Variants in PACSIN2 observed in about 807,000 individuals in gnomAD.
PACSIN2 encodes the protein protein kinase C and casein kinase substrate in neurons protein 2.
A neutral mutation model predicts 63.8 loss-of-function variants in PACSIN2; 25 were observed. That is an observed-to-expected ratio of 0.39 (90% CI 0.29 to 0.55). The LOEUF is 0.55. Among genes scored for constraint, PACSIN2 ranks in the 20% least tolerant of loss-of-function variants. The pLI is 0.62. For synonymous variants in PACSIN2, 255 were observed against 256.2 expected (o/e 1.00, Z 0.05); for missense variants, 518 against 646.9 (o/e 0.80, Z 2.16).
chr22:42,940,630 T>C (rs182147937), intron 1 of PACSIN2, among the ~76,000 whole-genome samples: 1 of 152,098 alleles, frequency 6.6e-6, no homozygotes, highest in Non-Finnish European at 1.5e-5. Flanking sequence ...AGGTCCTGGG[T>C]TTCCCTATAC....
intron 2 of PACSIN2, among the ~76,000 whole-genome samples, chr22:42,905,787 G>A (rs558491551): frequency 1.2e-4 from 19 of 152,344 alleles, no homozygotes; most frequent in African/African-American, 4.6e-4. Context: ...CCTGGTGGGT[G>A]GATGGGTAAA....
At chr22:42,928,284 G>C (rs1482065075) in intron 1 of PACSIN2, among the ~76,000 whole-genome samples, 1 of 152,186 alleles carries the variant, frequency 6.6e-6, no homozygotes. Flanking sequence ...GTCTCTTCAC[G>C]TGCTGAATCT....
At chr22:42,914,897 T>G (rs1337729125) in intron 1 of PACSIN2, among the ~76,000 whole-genome samples, 1 of 152,238 alleles carries the variant, frequency 6.6e-6, no homozygotes, top group Non-Finnish European at 1.5e-5. Context: ...GCGTCTTGTC[T>G]GTCATCCAAG....
At chr22:42,914,786 G>A (rs1019149271) in intron 1 of PACSIN2, among the ~76,000 whole-genome samples, 1 of 152,296 alleles carries the variant, frequency 6.6e-6, no homozygotes, top group Admixed American at 6.5e-5. Context: ...TGAGCCACTT[G>A]GGCAGAGGAA....
intron 1 of PACSIN2, among the ~76,000 whole-genome samples, chr22:42,949,249 G>GT (rs1031576198): frequency 6.6e-6 from 1 of 152,208 alleles, no homozygotes; most frequent in Non-Finnish European, 1.5e-5. Flanking sequence ...ATGACACATT[G>GT]TATGTGAGTG....
chr22:42,879,098 C>T lies in PACSIN2; in HGVS notation c.978G>A (p.Leu326=), dbSNP rs746307818. Reference sequence around the variant, plus strand: ...GGTCGCCTGTCTGGTTGATGCCCGTCAGGGTGACGCCGTCAGTGGCCTTCT... The same window carrying T: ...GGTCGCCTGTCTGGTTGATGCCCGTTAGGGTGACGCCGTCAGTGGCCTTCT... ...EKKKATDGVT[L]TGINQTGDQS... The change falls in exon 8 of 11, where the codon CTG becomes CTA. Residue 326 remains leucine, a synonymous_variant. Transcript: ENST00000263246. 4 of 1,614,164 alleles carry T rather than the reference C, an allele frequency of 2.5e-6. No individual in the cohort carries two copies. In the South Asian group the frequency reaches 4.4e-5, roughly 18 times the overall value.
At chr22:42,922,039 G>A (rs1932231769) in intron 1 of PACSIN2, among the ~76,000 whole-genome samples, 1 of 152,168 alleles carries the variant, frequency 6.6e-6, no homozygotes, top group Admixed American at 6.5e-5. Flanking sequence ...CAACCCTTTT[G>A]TTCTAAGGGG....
At chr22:43,014,663 G>C (rs1924761979) in intron 1 of PACSIN2, among the ~76,000 whole-genome samples, 1 of 150,844 alleles carries the variant, frequency 6.6e-6, no homozygotes, top group Non-Finnish European at 1.5e-5. Context: ...CTCATTAGCA[G>C]CTCTTAACCC....
intron 1 of PACSIN2, among the ~76,000 whole-genome samples, chr22:42,992,975 G>C (rs1395662672): frequency 6.6e-6 from 1 of 152,106 alleles, no homozygotes; most frequent in Non-Finnish European, 1.5e-5. Context: ...ACCAGCCTGG[G>C]CAACACAGTG....
intron 1 of PACSIN2, among the ~76,000 whole-genome samples, chr22:43,010,399 T>TATATATATATATATATATATATA (rs1388431678): frequency 1.2e-4 from 4 of 32,496 alleles, no homozygotes; most frequent in Admixed American, 5.8e-4. Flanking sequence ...TATATATATA[T>TATATATATATATATATATATATA]TTTTTTTTAA....
chr22:42,970,849 G>A (rs144810952), intron 1 of PACSIN2, among the ~76,000 whole-genome samples: 5 of 152,244 alleles, frequency 3.3e-5, no homozygotes, highest in Admixed American at 2.6e-4. Context: ...AACAAGCAGT[G>A]CTGACCATGA....
At chr22:42,891,708 G>A (rs1463042013) in intron 3 of PACSIN2, among the ~76,000 whole-genome samples, 3 of 152,174 alleles carry the variant, frequency 2.0e-5, no homozygotes, top group Admixed American at 2.0e-4. Flanking sequence ...GCCCGGCCAT[G>A]CCTTTCCTTT....
intron 7 of PACSIN2, among the ~76,000 whole-genome samples, chr22:42,880,131 T>C (rs1569211595): frequency 6.6e-6 from 1 of 152,198 alleles, no homozygotes; most frequent in Non-Finnish European, 1.5e-5. Flanking sequence ...TAAAACTTGG[T>C]GTGGCTGAGT....
At chr22:42,875,817 G>A (rs866485841) in intron 10 of PACSIN2, among the ~76,000 whole-genome samples, 31 of 152,150 alleles carry the variant, frequency 2.0e-4, no homozygotes, top group Middle Eastern at 3.4e-3. Context: ...GATTACAGGC[G>A]TGAGCCACCA....
At chr22:42,993,811 G>C (rs890905537) in intron 1 of PACSIN2, 3 of 152,198 alleles carry the variant, frequency 2.0e-5, no homozygotes, top group African/African-American at 7.2e-5. Context: ...ACAGCCATGT[G>C]CGCTGTGGGA....
chr22:42,983,214 G>A (rs542727860), intron 1 of PACSIN2, among the ~76,000 whole-genome samples: 1 of 152,018 alleles, frequency 6.6e-6, no homozygotes, highest in East Asian at 1.9e-4. Context: ...CTACTCAGGA[G>A]GCTGAGGCAA....
chr22:42,908,469 G>A (rs1343730917), intron 2 of PACSIN2, among the ~76,000 whole-genome samples: 1 of 152,222 alleles, frequency 6.6e-6, no homozygotes, highest in African/African-American at 2.4e-5. Flanking sequence ...GAACCAAAGA[G>A]AAGGCCTGGA....
intron 1 of PACSIN2, among the ~76,000 whole-genome samples, chr22:42,950,053 G>C (rs1383039824): frequency 1.3e-5 from 2 of 152,166 alleles, no homozygotes; most frequent in African/African-American, 4.8e-5. Context: ...CACATCTGTG[G>C]ATTCAACCAG....
At chr22:42,920,844 C>A (rs1932144538) in intron 1 of PACSIN2, among the ~76,000 whole-genome samples, 1 of 142,472 alleles carries the variant, frequency 7.0e-6, no homozygotes, top group African/African-American at 2.6e-5. Flanking sequence ...GGTCTGCCGC[C>A]CAGGCTGAAG....
Sources: gnomAD v4.1 joint callset for allele counts (sites outside exome capture counted in the v4.1 genomes callset) on GRCh38, gnomAD v4.1.1 for gene constraint, MANE v1.5 for transcripts, NCBI Gene and HGNC (gene_info 2026-07-23, HGNC 2026-07-21) for gene names.